The following SFTPD variants were observed in gnomAD, a reference collection of about 807,000 sequenced individuals.
SFTPD encodes pulmonary surfactant-associated protein D.
SFTPD carries 18 observed loss-of-function variants against 34.6 expected under a neutral mutation model. The ratio of observed to expected loss-of-function variants is 0.52; its 90% CI spans 0.36 to 0.77. The LOEUF is 0.77. Among genes scored for constraint, SFTPD ranks in the 30% least tolerant of loss-of-function variants. SFTPD has a pLI of 0.00. For synonymous variants in SFTPD, 155 were observed against 180.9 expected (o/e 0.86, Z 1.15); for missense variants, 433 against 468.9 (o/e 0.92, Z 0.71).
chr10:79,980,491 T>C (rs114549125), intron 1 of SFTPD, among the ~76,000 whole-genome samples: 2 of 152,106 alleles, frequency 1.3e-5, no homozygotes, highest in African/African-American at 4.8e-5. Flanking sequence ...GCCAGGAAAT[T>C]GTCACCAGAG....
At chr10:79,940,608 C>A in intron 7 of SFTPD, 97 bp downstream of exon 7, 1 of 771,324 alleles carries the variant, frequency 1.3e-6, no homozygotes. Context: ...TCAGGTCCAG[C>A]CAAAGGTCTA....
At chr10:79,941,535 G>A in intron 5 of SFTPD, 21 bp from the exon 6 acceptor site, 1 of 1,551,600 alleles carries the variant, frequency 6.4e-7, no homozygotes, top group Non-Finnish European at 8.7e-7. Context: ...AGAAGAACTG[G>A]GTGAGCTATG....
chr10:79,959,470 C>A lies in SFTPD; in HGVS notation c.37-12808G>T, dbSNP rs1446151789. Among the ~76,000 whole-genome samples, 6 of 152,254 alleles carry A rather than the reference C, an allele frequency of 3.9e-5. 1 individual carries two copies. Among genetic ancestry groups the A allele is most frequent in the African/African-American group, 1.2e-4 (5 of 41,546 alleles). ...AAAAATGATAAAGGGGATATCACCA[C>A]CGATCCCACAGAAATACAAACTACC... is the stretch of plus-strand genomic sequence containing the variant. On this transcript the variant is annotated intron_variant, in intron 1 of 5. Coordinates refer to the SFTPD transcript ENST00000444384.
chr10:79,970,838 T>C (rs1185725253), intron 1 of SFTPD: 2 of 152,174 alleles, frequency 1.3e-5, no homozygotes, highest in Non-Finnish European at 2.9e-5. Context: ...TTCTTTCCAA[T>C]TTGGATGTCT....
At chr10:79,947,106 G>A (rs569493158) in intron 1 of SFTPD, among the ~76,000 whole-genome samples, 16 of 152,234 alleles carry the variant, frequency 1.1e-4, no homozygotes, top group Non-Finnish European at 2.2e-4. Context: ...CTCAGACAAG[G>A]CAAGCCTGTT....
At chr10:79,938,256 G>A (rs1228110422) in intron 7 of SFTPD, 28 bp from the exon 8 acceptor site, 3 of 1,562,642 alleles carry the variant, frequency 1.9e-6, no homozygotes, top group East Asian at 2.3e-5. Context: ...TCAGGTTGGG[G>A]TTGTGGCATC....
intron 7 of SFTPD, among the ~76,000 whole-genome samples, chr10:79,939,558 TG>T (rs1842591388): frequency 6.6e-6 from 1 of 152,210 alleles, no homozygotes; most frequent in Non-Finnish European, 1.5e-5. Flanking sequence ...AGCTCATGTA[TG>T]TAGATGGAGG....
intron 1 of SFTPD, among the ~76,000 whole-genome samples, chr10:79,960,724 G>A (rs1842767378): frequency 6.6e-6 from 1 of 152,052 alleles, no homozygotes; most frequent in Non-Finnish European, 1.5e-5. Context: ...TACTGCCCAT[G>A]GTAATTTATA....
At chr10:79,961,708 T>A (rs372031908) in intron 1 of SFTPD, among the ~76,000 whole-genome samples, 8 of 151,816 alleles carry the variant, frequency 5.3e-5, no homozygotes, top group African/African-American at 7.3e-5. Context: ...ACTGTAAACT[T>A]GTTCAACCAT....
At chr10:79,965,539 C>CTT (rs149878455) in intron 1 of SFTPD, among the ~76,000 whole-genome samples, 50,479 of 113,196 alleles carry the variant, frequency 0.45, 12,035 homozygotes, top group African/African-American at 0.53. Flanking sequence ...TTTTATTTTT[C>CTT]TTTTTTTTTT....
At chr10:79,941,062 G>T in intron 6 of SFTPD, among the ~76,000 whole-genome samples, 1 of 151,492 alleles carries the variant, frequency 6.6e-6, no homozygotes. Flanking sequence ...CATTGGGTGG[G>T]TGGGGGGGTT....
chr10:79,970,608 G>A (rs946588933), intron 1 of SFTPD: 2 of 151,864 alleles, frequency 1.3e-5, no homozygotes, highest in African/African-American at 4.8e-5. Context: ...TTATTACTAT[G>A]TATTTTATTT....
At chr10:79,952,097 C>T (rs893116835), upstream of SFTPD, among the ~76,000 whole-genome samples, 1 of 152,222 alleles carries the variant, frequency 6.6e-6, no homozygotes, top group Non-Finnish European at 1.5e-5. Context: ...AGAAAACACC[C>T]GTCCTGTGGC....
intron 1 of SFTPD, among the ~76,000 whole-genome samples, chr10:79,947,068 G>C (rs560471553): frequency 6.6e-6 from 1 of 152,222 alleles, no homozygotes; most frequent in Non-Finnish European, 1.5e-5. Flanking sequence ...CCATCTCCCT[G>C]TCTGTACCAC....
At chr10:79,943,981 A>G (rs965384497) in intron 2 of SFTPD, among the ~76,000 whole-genome samples, 1 of 152,246 alleles carries the variant, frequency 6.6e-6, no homozygotes, top group African/African-American at 2.4e-5. Context: ...TACACAAACT[A>G]TGGAGGCCAT....
intron 1 of SFTPD, among the ~76,000 whole-genome samples, chr10:79,947,422 G>A (rs1373871679): frequency 6.6e-6 from 1 of 152,204 alleles, no homozygotes; most frequent in Non-Finnish European, 1.5e-5. Context: ...GGGCACGGTC[G>A]CTCATGCCTG....
rs746591452 is a variant in SFTPD at position 79,940,772 on chromosome 10, C to T, written c.684G>A (p.Arg228=). The stretch of plus-strand genomic sequence containing the variant: ...GTCCCTGTAAGGCCTCAACCTGCTG[C>T]CTCAGAGAAGCAACATCTGGAGGGG... The part of the protein sequence containing the change: ...ESGLPDVASL[R]QQVEALQGQV... The change falls in exon 7 of 8, where the codon AGG becomes AGA. Residue 228 remains arginine, a synonymous_variant. Transcript: ENST00000372292. 2.5e-6 allele frequency: 4 copies of T among 1,610,966 alleles called. No individual in the cohort carries two copies. In the Admixed American group the frequency reaches 6.7e-5, roughly 27 times the overall value.
chr10:79,943,371 C>T (rs1842635174), intron 2 of SFTPD, among the ~76,000 whole-genome samples: 1 of 152,172 alleles, frequency 6.6e-6, no homozygotes, highest in South Asian at 2.1e-4. Flanking sequence ...CTGAGCTTAG[C>T]CTCAGGTCCT....
intron 1 of SFTPD, among the ~76,000 whole-genome samples, chr10:79,974,292 C>G (rs11591949): frequency 6.6e-6 from 1 of 152,082 alleles, no homozygotes; most frequent in African/African-American, 2.4e-5. Flanking sequence ...CTCCGCCTCC[C>G]GAGTAGCTGG....
Sources: allele counts gnomAD v4.1 joint callset (sites outside exome capture counted in the v4.1 genomes callset), GRCh38; gene constraint gnomAD v4.1.1; transcripts MANE v1.5; gene names NCBI Gene and HGNC (gene_info 2026-07-23, HGNC 2026-07-21).